The following ROBO2 variants were observed in gnomAD, a reference collection of about 807,000 sequenced individuals.
The protein encoded by ROBO2 is roundabout homolog 2.
ROBO2 carries 53 observed loss-of-function variants against 160.8 expected under a neutral mutation model. That is an observed-to-expected ratio of 0.33 (90% CI 0.26 to 0.41). The LOEUF is 0.41. Ranked by LOEUF, ROBO2 falls within the 10% of genes least tolerant of loss-of-function variation. The pLI, the probability that ROBO2 is intolerant of heterozygous loss-of-function variation, is 1.00. For missense variants in ROBO2, 1,577 were observed against 1,722.4 expected, an observed-to-expected ratio of 0.92 and a Z score of 1.49; for synonymous variants, 664 against 611.7, an observed-to-expected ratio of 1.09 and a Z score of -1.26.
intron 2 of ROBO2, among the ~76,000 whole-genome samples, chr3:77,186,816 T>C (rs1164697270): frequency 2.0e-5 from 3 of 152,000 alleles, no homozygotes; most frequent in African/African-American, 7.2e-5. Flanking sequence ...TCCTGACTGA[T>C]TAGCTAATTT....
intron 2 of ROBO2, among the ~76,000 whole-genome samples, chr3:76,362,792 T>C (rs1322208650): frequency 6.6e-6 from 1 of 152,028 alleles, no homozygotes; most frequent in Non-Finnish European, 1.5e-5. Flanking sequence ...ATTTAGTATG[T>C]AGCCAGAGTG....
At chr3:76,277,933 T>TG (rs985999325) in intron 2 of ROBO2, among the ~76,000 whole-genome samples, 16 of 151,896 alleles carry the variant, frequency 1.1e-4, no homozygotes, top group African/African-American at 3.9e-4. Context: ...TTTTGTTTTT[T>TG]TTTTTTAACA....
At chr3:76,689,767 T>A (rs2092761672) in intron 2 of ROBO2, among the ~76,000 whole-genome samples, 1 of 152,166 alleles carries the variant, frequency 6.6e-6, no homozygotes, top group Non-Finnish European at 1.5e-5. Context: ...TTTTCCTCCT[T>A]CTAGCAGGTA....
At chr3:75,909,118 CTT>C (rs1326631323) in intron 1 of ROBO2, among the ~76,000 whole-genome samples, 1 of 152,186 alleles carries the variant, frequency 6.6e-6, no homozygotes, top group Admixed American at 6.5e-5. Context: ...ATTCATAAAA[CTT>C]TATTGATAAG....
chr3:76,681,304 T>C (rs1455533772), intron 2 of ROBO2, among the ~76,000 whole-genome samples: 2 of 152,114 alleles, frequency 1.3e-5, no homozygotes, highest in Non-Finnish European at 2.9e-5. Flanking sequence ...TGTTGATGAA[T>C]GAAGAGAAAA....
chr3:75,982,485 A>G (rs761815821), intron 2 of ROBO2, among the ~76,000 whole-genome samples: 19 of 151,618 alleles, frequency 1.3e-4, no homozygotes, highest in Non-Finnish European at 2.7e-4. Context: ...GTAAGATAAT[A>G]TCTATTGTAG....
intron 2 of ROBO2, among the ~76,000 whole-genome samples, chr3:76,686,135 C>T (rs2092680863): frequency 6.6e-6 from 1 of 152,074 alleles, no homozygotes; most frequent in Non-Finnish European, 1.5e-5. Flanking sequence ...TGGGAAGACA[C>T]AGTCATAACC....
At chr3:77,572,679 G>A (rs2093667548) in intron 13 of ROBO2, among the ~76,000 whole-genome samples, 1 of 150,724 alleles carries the variant, frequency 6.6e-6, no homozygotes, top group Non-Finnish European at 1.5e-5. Context: ...TCACTTAATT[G>A]AGGGAGTTTT....
chr3:76,482,415 C>CT (rs1377698717), intron 2 of ROBO2, among the ~76,000 whole-genome samples: 1 of 152,080 alleles, frequency 6.6e-6, no homozygotes, highest in Non-Finnish European at 1.5e-5. Flanking sequence ...CCATTAGTGT[C>CT]TTTTTCTAAG....
intron 2 of ROBO2, among the ~76,000 whole-genome samples, chr3:77,375,704 T>G (rs990357763): frequency 2.6e-5 from 4 of 152,178 alleles, no homozygotes; most frequent in African/African-American, 9.6e-5. Flanking sequence ...TCTCAACTGT[T>G]TTCTTCCTTT....
chr3:76,499,725 A>G (rs1199617746), intron 2 of ROBO2, among the ~76,000 whole-genome samples: 2 of 152,242 alleles, frequency 1.3e-5, no homozygotes, highest in Admixed American at 1.3e-4. Flanking sequence ...CGTGCAACAG[A>G]CATTTCAAAG....
At chr3:76,741,767 G>A (rs2093805700) in intron 2 of ROBO2, among the ~76,000 whole-genome samples, 1 of 152,006 alleles carries the variant, frequency 6.6e-6, no homozygotes, top group South Asian at 2.1e-4. Flanking sequence ...ACTGTATAAT[G>A]AAAAGTAATT....
At chr3:76,885,268 A>G (rs993972009) in intron 2 of ROBO2, among the ~76,000 whole-genome samples, 1 of 152,160 alleles carries the variant, frequency 6.6e-6, no homozygotes, top group African/African-American at 2.4e-5. Context: ...AATTTGAATA[A>G]AATTTAACCA....
At chr3:76,105,882 A>C (rs1204045084) in intron 2 of ROBO2, among the ~76,000 whole-genome samples, 1 of 152,142 alleles carries the variant, frequency 6.6e-6, no homozygotes, top group Non-Finnish European at 1.5e-5. Context: ...CTTTGTTCAT[A>C]ATTAACAAAG....
At chr3:77,110,657 A>G (rs1402747175) in intron 2 of ROBO2, among the ~76,000 whole-genome samples, 1 of 149,000 alleles carries the variant, frequency 6.7e-6, no homozygotes. Context: ...AAATATATAA[A>G]TGTAAATATA....
intron 2 of ROBO2, among the ~76,000 whole-genome samples, chr3:76,372,786 A>G (rs917283787): frequency 6.6e-6 from 1 of 151,906 alleles, no homozygotes; most frequent in Non-Finnish European, 1.5e-5. Flanking sequence ...CTTCTCTAGT[A>G]CTAACTCCAT....
intron 2 of ROBO2, among the ~76,000 whole-genome samples, chr3:76,976,212 A>T (rs1002849090): frequency 3.9e-5 from 6 of 152,180 alleles, no homozygotes; most frequent in African/African-American, 1.2e-4. Context: ...TTCACAACAG[A>T]TGTTGTTTTC....
chr3:76,874,584 A>G (rs567099909), intron 2 of ROBO2, among the ~76,000 whole-genome samples: 1 of 152,218 alleles, frequency 6.6e-6, no homozygotes, highest in Admixed American at 6.5e-5. Context: ...ACAGAAGTTC[A>G]TATCAAAGAC....
intron 2 of ROBO2, among the ~76,000 whole-genome samples, chr3:76,956,675 A>G (rs1327799701): frequency 6.6e-6 from 1 of 151,534 alleles, no homozygotes; most frequent in African/African-American, 2.4e-5. Context: ...AGGACATGGC[A>G]GAGAGAGAGA....
Sources: allele counts gnomAD v4.1 joint callset (sites outside exome capture counted in the v4.1 genomes callset), GRCh38; gene constraint gnomAD v4.1.1; transcripts MANE v1.5; gene names NCBI Gene and HGNC (gene_info 2026-07-23, HGNC 2026-07-21).